The following SHANK1 variants were observed in gnomAD, a reference collection of about 807,000 sequenced individuals.
SHANK1 encodes the protein SH3 and multiple ankyrin repeat domains protein 1.
SHANK1 carries 35 observed loss-of-function variants against 165.6 expected under a neutral mutation model. The observed-to-expected ratio is 0.21, with a 90% CI of 0.16 to 0.28. The LOEUF (loss-of-function observed/expected upper bound fraction) is 0.28. SHANK1 is among the 10% of genes least tolerant of loss of function. The pLI is 1.00. For missense variants in SHANK1, 2,681 were observed against 3,036.4 expected (o/e 0.88, Z 2.75); for synonymous variants, 1,428 against 1,384.8 (o/e 1.03, Z -0.69).
At chr19:50,677,756 A>G (rs1214773950) in intron 21 of SHANK1, among the ~76,000 whole-genome samples, 1 of 152,174 alleles carries the variant, frequency 6.6e-6, no homozygotes, top group Non-Finnish European at 1.5e-5. Context: ...ATCAAACAGC[A>G]CAGGGCCAGC....
rs570675143 is a variant in SHANK1 at position 50,709,225 on chromosome 19, G to A, written c.1077+2146C>T. On this transcript the variant is annotated intron_variant, in intron 8 of 23. Transcript: ENST00000293441. ...ATGATCTTGGCTCACTGCAAACTCCGCCTCCCGGGTTCACGCCATTCTCCT... is the reference window on the plus strand; with the variant it reads ...ATGATCTTGGCTCACTGCAAACTCCACCTCCCGGGTTCACGCCATTCTCCT... Among the ~76,000 whole-genome samples, 15 of 150,602 alleles carry A rather than the reference G, an allele frequency of 1.0e-4. No individual in the cohort carries two copies. The South Asian group carries it at 2.8e-3, about 28-fold the overall frequency.
chr19:50,704,076 A>G, intron 10 of SHANK1, 44 bp downstream of exon 10: 2 of 1,598,886 alleles, frequency 1.3e-6, no homozygotes, highest in South Asian at 1.1e-5. Flanking sequence ...TGAAACCTCA[A>G]CCGCCCCAGG....
At position 50,667,722 on chromosome 19, in the gene SHANK1, G is replaced by C; in HGVS notation, c.4238C>G (p.Pro1413Arg). The C allele has an allele frequency of 1.5e-6, 2 of 1,335,980 alleles. No individual in the cohort carries two copies. Among genetic ancestry groups the C allele is most frequent in the Non-Finnish European group, 1.9e-6 (2 of 1,049,424 alleles). The allele number at this position is 1,335,980 out of a possible 1,614,324, so 82.8% of individuals were successfully genotyped here. ...PVLRLWGASPPDPARRELGYR... is the reference protein window; with the variant it reads ...PVLRLWGASPRDPARRELGYR... ...CCCCAGCTCCCGGCGCGCAGGGTCC[G>C]GCGGGGAGGCCCCCCAGAGACGCAG... is the stretch of plus-strand genomic sequence containing the variant. Residue 1413 changes from proline to arginine, a missense_variant, in exon 23 of 24, where the codon CCG becomes CGG. Transcript: ENST00000293441. This position sits in a 1 kb window ranked among gnomAD's most constrained non-coding sequence, Gnocchi z 5.7.
chr19:50,660,704 G>A lies in SHANK1; in HGVS notation c.*1261C>T, dbSNP rs1302723219. Among the ~76,000 whole-genome samples the A allele has an allele frequency of 3.9e-5, 5 of 129,712 alleles. No homozygotes were observed. Among genetic ancestry groups the A allele is most frequent in the Admixed American group, 7.6e-5 (1 of 13,082 alleles). The allele number at this position is 129,712 out of a possible 152,430, so 85.1% of individuals were successfully genotyped here. A position where few individuals can be genotyped will look rare whatever the true frequency, so the allele number is the denominator to read the frequency against. ...ATTAAAGGGGAGAAACAAGGCTTCC[G>A]GAGAGCACTGAAAATGCTGGGGGGG... On this transcript the variant is annotated 3_prime_UTR_variant, in exon 24 of 24. Coordinates refer to ENST00000293441, the MANE Select transcript of SHANK1 (RefSeq NM_016148.5).
Position 50,713,825 on chromosome 19 carries a change from T to C in SHANK1, c.765A>G (p.Ala255=). The C allele has an allele frequency of 6.2e-7, 1 of 1,613,646 alleles. No individual in the cohort carries two copies. The highest frequency in any genetic ancestry group is 8.5e-7 in the Non-Finnish European group (1 of 1,179,972). Residue 255 remains alanine (A), a synonymous_variant, in exon 6 of 24, where the codon GCA becomes GCG. Coordinates refer to ENST00000293441, the MANE Select transcript of SHANK1 (RefSeq NM_016148.5). This position sits in a 1 kb window ranked among gnomAD's most constrained non-coding sequence, Gnocchi z 6.2. ...TGAGTGCCAGGCAGTGTCGGGCGCA[T>C]GCGGCCTTATGCAGTGCGGTCATGC... ...RDGMTALHKA[A]CARHCLALTA...
At chr19:50,692,187 C>A (rs1182207089) in intron 15 of SHANK1, among the ~76,000 whole-genome samples, 1 of 152,088 alleles carries the variant, frequency 6.6e-6, no homozygotes, top group Non-Finnish European at 1.5e-5. Flanking sequence ...CTCGGCCCTG[C>A]AGCACCTGGA....
chr19:50,664,159 A>G (rs1405306419), intron 23 of SHANK1, among the ~76,000 whole-genome samples: 1 of 149,758 alleles, frequency 6.7e-6, no homozygotes, highest in East Asian at 1.9e-4. Flanking sequence ...CATAGATTTA[A>G]GTTGCCCCAA....
intron 8 of SHANK1, among the ~76,000 whole-genome samples, chr19:50,706,301 T>G (rs1330477108): frequency 6.6e-6 from 1 of 152,062 alleles, no homozygotes; most frequent in African/African-American, 2.4e-5. Context: ...GGACACACAT[T>G]GTGGAGGAAA....
chr19:50,697,044 AC>A lies in SHANK1; in HGVS notation c.1964+51del, dbSNP rs1986763745. On this transcript the variant is annotated intron_variant, in intron 15 of 23. Coordinates refer to ENST00000293441, the MANE Select transcript of SHANK1 (RefSeq NM_016148.5). The surrounding 1 kb of genome is among the most constrained non-coding windows in gnomAD (Gnocchi z 4.7). Reference sequence around the variant, plus strand: ...ACACACGTTCACACGCCCCCCAGGCACCCCGTCCTTCCCCTCCTGACCCCAT... The same window carrying A: ...ACACACGTTCACACGCCCCCCAGGCACCCGTCCTTCCCCTCCTGACCCCAT... 1.4e-6 allele frequency: 2 copies of A among 1,430,822 alleles called. No individual in the cohort carries two copies. Among genetic ancestry groups the A allele is most frequent in the Admixed American group, 1.7e-5 (1 of 58,856 alleles). 88.6% of individuals were successfully genotyped at this position (1,430,822 alleles called of 1,614,324 possible). A position where few individuals can be genotyped will look rare whatever the true frequency, so the allele number is the denominator to read the frequency against.
chr19:50,695,004 C>T (rs887488583), intron 15 of SHANK1, among the ~76,000 whole-genome samples: 2 of 149,314 alleles, frequency 1.3e-5, no homozygotes, highest in Admixed American at 1.3e-4. Context: ...CGGGGCCGCC[C>T]CCGAGACCCC....
chr19:50,704,394 C>T (rs760094650), intron 9 of SHANK1, 43 bp downstream of exon 9: 17 of 1,580,752 alleles, frequency 1.1e-5, no homozygotes, highest in Non-Finnish European at 1.5e-5. Context: ...GTCACCCTTT[C>T]CTTAGCCCTG....
chr19:50,706,092 G>A (rs1200657105), intron 8 of SHANK1, among the ~76,000 whole-genome samples: 1 of 150,150 alleles, frequency 6.7e-6, no homozygotes, highest in African/African-American at 2.5e-5. Flanking sequence ...CCAAGAGGTC[G>A]AGGCTGCAAA....
intron 15 of SHANK1, among the ~76,000 whole-genome samples, chr19:50,696,622 C>T (rs1244120697): frequency 3.9e-5 from 6 of 152,086 alleles, no homozygotes; most frequent in Non-Finnish European, 7.4e-5. Flanking sequence ...TCCTCCCCTC[C>T]TCTGCCCTTC....
In SHANK1 at chr19:50,659,566, A is replaced by AC. The variant is rs879542610; in HGVS notation, c.*2398dup. ...TCCGCCCCCCTCCTCTTCCCCTCCC[A>AC]CCCCCCCTTGGAAGACAATTCTCGG... On this transcript the variant is annotated 3_prime_UTR_variant, in exon 24 of 24. Transcript: ENST00000293441. 0.06 allele frequency among the ~76,000 whole-genome samples: 1,767 copies of AC among 29,562 alleles called. 19 individuals are homozygous for AC. The highest frequency in any genetic ancestry group is 0.095 in the Non-Finnish European group (1,428 of 15,040). 19.4% of individuals were successfully genotyped at this position (29,562 alleles called of 152,430 possible).
At position 50,667,732 on chromosome 19, in the gene SHANK1, C is replaced by A. The variant is rs778529090; in HGVS notation, c.4228G>T (p.Ala1410Ser). The change falls in exon 23 of 24, where the codon GCC becomes TCC. Residue 1410 changes from alanine to serine, a missense_variant. Physicochemically the swap from Ala to Ser is moderately conservative, Grantham distance 99. Around this residue, in one of 10 missense-constraint regions of SHANK1, gnomAD observed 1,713 missense variants for 1,630.2 expected, o/e 1.05. Coordinates refer to ENST00000293441, the MANE Select transcript of SHANK1 (RefSeq NM_016148.5). This position sits in a 1 kb window ranked among gnomAD's most constrained non-coding sequence, Gnocchi z 5.7. ...CGGCGCGCAGGGTCCGGCGGGGAGG[C>A]CCCCCAGAGACGCAGCACTGGCTCG... ...HHEPVLRLWG[A>S]SPPDPARREL... 3.0e-6 allele frequency: 4 copies of A among 1,331,902 alleles called. No homozygotes were observed. The highest frequency in any genetic ancestry group is 1.9e-6 in the Non-Finnish European group (2 of 1,047,016). The allele number at this position is 1,331,902 out of a possible 1,614,324, so 82.5% of individuals were successfully genotyped here.
At chr19:50,673,391 C>T (rs1055792548) in intron 21 of SHANK1, among the ~76,000 whole-genome samples, 1 of 152,184 alleles carries the variant, frequency 6.6e-6, no homozygotes, top group Admixed American at 6.5e-5. Context: ...CCACCTCTTC[C>T]TTCTCCTCTG....
At chr19:50,689,697 G>A (rs940230079) in intron 15 of SHANK1, among the ~76,000 whole-genome samples, 1 of 152,174 alleles carries the variant, frequency 6.6e-6, no homozygotes, top group Non-Finnish European at 1.5e-5. Context: ...GGCTATCACA[G>A]ATCCTACCTG....
intron 12 of SHANK1, among the ~76,000 whole-genome samples, chr19:50,699,517 G>A (rs1222680150): frequency 6.6e-6 from 1 of 152,170 alleles, no homozygotes; most frequent in South Asian, 2.1e-4. Flanking sequence ...GAGACCTGAA[G>A]GATCCTAGGA....
At chr19:50,666,124 C>T in intron 23 of SHANK1, 68 bp downstream of exon 23, 1 of 1,438,732 alleles carries the variant, frequency 7.0e-7, no homozygotes, top group Non-Finnish European at 9.2e-7. Flanking sequence ...CACCCTGAGA[C>T]CCTAAAGGGA....
Sources: gnomAD v4.1 joint callset for allele counts (sites outside exome capture counted in the v4.1 genomes callset) on GRCh38, gnomAD v4.1.1 for gene constraint, gnomAD v4.1.1 regional missense constraint, Gnocchi (gnomAD v3.1) non-coding constraint, MANE v1.5 for transcripts, NCBI Gene and HGNC (gene_info 2026-07-23, HGNC 2026-07-21) for gene names.